SYNE3: variants seen among roughly 807,000 people sequenced by gnomAD.
The protein encoded by SYNE3 is spectrin repeat containing nuclear envelope family member 3.
A neutral mutation model predicts 111.2 loss-of-function variants in SYNE3; 100 were observed. That is an observed-to-expected ratio of 0.90 (90% confidence interval 0.77 to 1.06). SYNE3 has a LOEUF of 1.06. Among genes scored for constraint, SYNE3 ranks in the 50% least tolerant of loss-of-function variants. The pLI, the probability that SYNE3 is intolerant of heterozygous loss-of-function variation, is 0.00. For missense variants in SYNE3, 1,160 were observed against 1,240.3 expected (o/e 0.94, Z 0.97); for synonymous variants, 547 against 533.9 (o/e 1.02, Z -0.34).
intron 1 of SYNE3, among the ~76,000 whole-genome samples, chr14:95,501,785 C>T (rs1313117679): frequency 2.0e-5 from 3 of 152,206 alleles, no homozygotes; most frequent in Non-Finnish European, 4.4e-5. Flanking sequence ...AGTAGTTTGT[C>T]CCCAGCGGGG....
intron 1 of SYNE3, among the ~76,000 whole-genome samples, chr14:95,492,324 A>G (rs966541099): frequency 6.6e-6 from 1 of 152,252 alleles, no homozygotes; most frequent in Non-Finnish European, 1.5e-5. Context: ...ACTTGTGCAC[A>G]AATGTTCATG....
At chr14:95,443,128 G>A in intron 11 of SYNE3, 27 bp downstream of exon 11, 1 of 1,613,116 alleles carries the variant, frequency 6.2e-7, no homozygotes, top group Non-Finnish European at 8.5e-7. Context: ...CTCTGTCAAA[G>A]CACAGGCCCT....
chr14:95,478,022 C>A (rs1234577329), intron 1 of SYNE3, among the ~76,000 whole-genome samples: 1 of 152,094 alleles, frequency 6.6e-6, no homozygotes, highest in Admixed American at 6.5e-5. Flanking sequence ...CTTTAGAGCA[C>A]CCCTTCTTGT....
chr14:95,466,954 T>A (rs1888222699), intron 3 of SYNE3, among the ~76,000 whole-genome samples: 1 of 152,178 alleles, frequency 6.6e-6, no homozygotes. Context: ...TTGCACCCAA[T>A]GGGGACGGAA....
chr14:95,480,904 C>T (rs1566681307), intron 1 of SYNE3, among the ~76,000 whole-genome samples: 1 of 152,260 alleles, frequency 6.6e-6, no homozygotes, highest in Non-Finnish European at 1.5e-5. Context: ...CCCAGCCCAT[C>T]TCAGCAGCAG....
intron 4 of SYNE3, among the ~76,000 whole-genome samples, chr14:95,462,262 G>A (rs1045782170): frequency 3.1e-4 from 47 of 152,292 alleles, no homozygotes; most frequent in African/African-American, 1.1e-3. Flanking sequence ...TAGAGAGACA[G>A]GAAACACCTC....
chr14:95,468,088 A>C, intron 2 of SYNE3, 121 bp from the exon 3 acceptor site: 1 of 1,188,874 alleles, frequency 8.4e-7, no homozygotes, highest in Non-Finnish European at 1.2e-6. Flanking sequence ...TGGGATTCAC[A>C]TCACAGCCCC....
chr14:95,489,925 C>T lies in SYNE3; in HGVS notation c.-14-14090G>A, dbSNP rs188663892. Among the ~76,000 whole-genome samples the T allele has an allele frequency of 1.5e-4, 23 of 152,278 alleles. No individual in the cohort carries two copies. The East Asian group carries it at 1.9e-3, about 13-fold the overall frequency. On this transcript the variant is annotated intron_variant, in intron 1 of 17. Coordinates refer to ENST00000682763, the MANE Select transcript of SYNE3 (RefSeq NM_152592.6). ...AAAATAAGAGGCTTCCTTCAGGCCA[C>T]GAGTGGGGGCAGAACAGGCTCTGGA...
rs1903405931 is a variant in SYNE3, at chr14:95,410,482, C to T, written c.*7344G>A. The T allele has an allele frequency of 6.6e-6, 1 of 152,222 alleles. No homozygotes were observed. The highest frequency in any genetic ancestry group is 2.4e-5 in the African/African-American group (1 of 41,448). The allele number at this position is 152,222 out of a possible 1,614,324, so 9.4% of individuals were successfully genotyped here. On this transcript the variant is annotated 3_prime_UTR_variant, in exon 18 of 18. Transcript: ENST00000682763. Reference sequence around the variant, plus strand: ...ATGAGAACGGAAGTGGCTGGTGGAGCTTCTGGGAAAGCTGCTAATGAGGAG... The same window carrying T: ...ATGAGAACGGAAGTGGCTGGTGGAGTTTCTGGGAAAGCTGCTAATGAGGAG...
chr14:95,467,188 G>A (rs1429953248), intron 3 of SYNE3, among the ~76,000 whole-genome samples: 1 of 152,194 alleles, frequency 6.6e-6, no homozygotes, highest in Non-Finnish European at 1.5e-5. Context: ...TATAAAAATG[G>A]AGATGATCCT....
At chr14:95,481,207 T>C (rs1329522479) in intron 1 of SYNE3, among the ~76,000 whole-genome samples, 3 of 152,228 alleles carry the variant, frequency 2.0e-5, no homozygotes, top group African/African-American at 7.2e-5. Context: ...CCTTGTTCTA[T>C]TGGATTCTGA....
At chr14:95,454,708 C>T (rs182634505) in intron 6 of SYNE3, among the ~76,000 whole-genome samples, 19 of 152,354 alleles carry the variant, frequency 1.2e-4, no homozygotes, top group African/African-American at 4.6e-4. Context: ...TGGCAGAGTG[C>T]AGGTAAGATC....
At chr14:95,502,805 G>A (rs551356275) in intron 1 of SYNE3, among the ~76,000 whole-genome samples, 15 of 152,276 alleles carry the variant, frequency 9.9e-5, no homozygotes, top group African/African-American at 2.6e-4. Flanking sequence ...CGCTAGCCCC[G>A]CAGAGACTCA....
chr14:95,466,489 G>T (rs1888187015), intron 3 of SYNE3, among the ~76,000 whole-genome samples: 1 of 152,174 alleles, frequency 6.6e-6, no homozygotes, highest in Non-Finnish European at 1.5e-5. Flanking sequence ...AGCCAGGGGA[G>T]CTCAGACTCC....
At chr14:95,480,775 C>A (rs1405170724) in intron 1 of SYNE3, among the ~76,000 whole-genome samples, 1 of 152,120 alleles carries the variant, frequency 6.6e-6, no homozygotes, top group African/African-American at 2.4e-5. Flanking sequence ...AAAAAAAAGG[C>A]CAGCCATGGA....
intron 1 of SYNE3, among the ~76,000 whole-genome samples, chr14:95,492,912 A>C (rs999345076): frequency 2.0e-5 from 3 of 152,174 alleles, no homozygotes; most frequent in Non-Finnish European, 4.4e-5. Flanking sequence ...TATATGAATT[A>C]TATCTCAATA....
chr14:95,415,691 C>A lies in SYNE3; in HGVS notation c.*2135G>T. 1 of 63,402 alleles carries A rather than the reference C, an allele frequency of 1.6e-5. No homozygotes were observed. Among genetic ancestry groups the A allele is most frequent in the African/African-American group, 4.1e-5 (1 of 24,226 alleles). 3.9% of individuals were successfully genotyped at this position (63,402 alleles called of 1,614,324 possible). A position where few individuals can be genotyped will look rare whatever the true frequency, so the allele number is the denominator to read the frequency against. Reference sequence around the variant, plus strand: ...TATAAGCCTACAGCTTATCATAAAGCTATTCAAAAAAAAAAAAAAATGGCC... The same window carrying A: ...TATAAGCCTACAGCTTATCATAAAGATATTCAAAAAAAAAAAAAAATGGCC... On this transcript the variant is annotated 3_prime_UTR_variant, in exon 18 of 18. Coordinates refer to ENST00000682763, the MANE Select transcript of SYNE3 (RefSeq NM_152592.6).
intron 1 of SYNE3, among the ~76,000 whole-genome samples, chr14:95,502,953 C>A (rs374995917): frequency 2.0e-5 from 3 of 152,200 alleles, no homozygotes; most frequent in Non-Finnish European, 2.9e-5. Context: ...CCACTCCAAG[C>A]TGCTGGAGGT....
chr14:95,446,217 A>C, intron 8 of SYNE3, 126 bp from the exon 9 acceptor site: 1 of 1,134,410 alleles, frequency 8.8e-7, no homozygotes, highest in Non-Finnish European at 1.2e-6. Flanking sequence ...TGTCTGAGGA[A>C]GCAGCAAACT....
Sources: allele counts gnomAD v4.1 joint callset (sites outside exome capture counted in the v4.1 genomes callset), GRCh38; gene constraint gnomAD v4.1.1; transcripts MANE v1.5; gene names NCBI Gene and HGNC (gene_info 2026-07-23, HGNC 2026-07-21).